Variants in RRP1 observed in about 807,000 individuals in gnomAD.
RRP1 encodes the protein ribosomal RNA processing 1, also known as ribosomal RNA processing protein 1 homolog A.
RRP1 carries 37 observed loss-of-function variants against 54.6 expected under a neutral mutation model. The observed-to-expected ratio is 0.68, with a 90% CI of 0.52 to 0.89. The LOEUF (loss-of-function observed/expected upper bound fraction) is 0.89. Among genes scored for constraint, RRP1 ranks in the 40% least tolerant of loss-of-function variants. The pLI is 0.00. For synonymous variants in RRP1, 262 were observed against 244.3 expected (o/e 1.07, Z -0.67); for missense variants, 639 against 612.5 (o/e 1.04, Z -0.46).
chr21:43,800,402 G>A (rs1044558471), intron 9 of RRP1, 115 bp from the exon 10 acceptor site: 8 of 872,838 alleles, frequency 9.2e-6, no homozygotes, highest in South Asian at 7.5e-5. Context: ...CCTGTGAGCC[G>A]GGTGGAGAAC....
intron 10 of RRP1, 112 bp from the exon 11 acceptor site, chr21:43,800,749 TC>T: frequency 1.4e-6 from 2 of 1,469,878 alleles, no homozygotes. Context: ...CCTGAGACCG[TC>T]CCCAGCCCCT....
chr21:43,803,364 A>C, intron 12 of RRP1, 148 bp from the exon 13 acceptor site: 1 of 1,133,878 alleles, frequency 8.8e-7, no homozygotes, highest in Non-Finnish European at 1.2e-6. Context: ...CTTGGCGCCC[A>C]CACTGGACAC....
chr21:43,800,848 T>A lies in RRP1; in HGVS notation c.990-14T>A, dbSNP rs1425816804. 6.2e-7 allele frequency: 1 copy of A among 1,613,560 alleles called. No individual in the cohort carries two copies. Among genetic ancestry groups the A allele is most frequent in the South Asian group, 1.1e-5 (1 of 91,078 alleles). ...CGCAGCTGTGGTAAGTGGGTATCTGTCTTACTCTTTCAGGCTGCAGGACCT... is the reference window on the plus strand; with the variant it reads ...CGCAGCTGTGGTAAGTGGGTATCTGACTTACTCTTTCAGGCTGCAGGACCT... On this transcript the variant is annotated splice_polypyrimidine_tract_variant and intron_variant, in intron 10 of 12. Transcript: ENST00000497547.
chr21:43,800,760 T>C (rs1316008117), intron 10 of RRP1, 102 bp from the exon 11 acceptor site: 1 of 1,554,744 alleles, frequency 6.4e-7, no homozygotes. Flanking sequence ...CCCCAGCCCC[T>C]GGGGTTCCCC....
chr21:43,789,804 G>T (rs1422705185), intron 1 of RRP1, 42 bp downstream of exon 1: 2 of 1,471,962 alleles, frequency 1.4e-6, no homozygotes. Flanking sequence ...GGGGCCGGCT[G>T]GGCTGGTGCG....
intron 12 of RRP1, 135 bp downstream of exon 12, chr21:43,802,522 C>G (rs1394794651): frequency 2.9e-6 from 2 of 695,930 alleles, no homozygotes; most frequent in South Asian, 1.6e-5. Context: ...CTGCTATCCA[C>G]GCATCCCGGA....
chr21:43,789,904 T>G, intron 1 of RRP1, 142 bp downstream of exon 1: 1 of 1,030,176 alleles, frequency 9.7e-7, no homozygotes, highest in Non-Finnish European at 1.3e-6. Context: ...TCCACTGGCC[T>G]GTTCCCGCTG....
At chr21:43,803,225 C>A (rs565365689) in intron 12 of RRP1, among the ~76,000 whole-genome samples, 1 of 152,364 alleles carries the variant, frequency 6.6e-6, no homozygotes, top group South Asian at 2.1e-4. Flanking sequence ...GTTCTTCCAC[C>A]TCCCCTTCTG....
intron 3 of RRP1, 133 bp from the exon 4 acceptor site, chr21:43,793,186 G>A (rs1247800925): frequency 1.3e-6 from 1 of 757,088 alleles, no homozygotes; most frequent in African/African-American, 1.8e-5. Flanking sequence ...ATCCAGTTCT[G>A]GGGGTAGGGC....
At chr21:43,792,571 ATGAG>A (rs548061094) in intron 2 of RRP1, 97 bp from the exon 3 acceptor site, 261 of 1,144,726 alleles carry the variant, frequency 2.3e-4, no homozygotes, top group African/African-American at 1.4e-3. Flanking sequence ...ACTCTCTGTG[ATGAG>A]TGAGTGAGTG....
chr21:43,798,685 A>T (rs2085050330), intron 8 of RRP1, among the ~76,000 whole-genome samples: 1 of 151,850 alleles, frequency 6.6e-6, no homozygotes, highest in Non-Finnish European at 1.5e-5. Flanking sequence ...CCTGCCCCTC[A>T]CTGCCTGCCA....
At chr21:43,800,958 AG>A in intron 11 of RRP1, 77 bp downstream of exon 11, 2 of 1,510,862 alleles carry the variant, frequency 1.3e-6, no homozygotes, top group South Asian at 1.1e-5. Flanking sequence ...GTTTGGTTCT[AG>A]GGGTCTCATA....
intron 4 of RRP1, among the ~76,000 whole-genome samples, chr21:43,794,230 A>G (rs553351095): frequency 9.8e-5 from 15 of 152,298 alleles, no homozygotes; most frequent in African/African-American, 3.6e-4. Context: ...TCAAGAAGGA[A>G]GGAGGCTCCA....
chr21:43,800,469 G>A (rs988224400), intron 9 of RRP1, 48 bp from the exon 10 acceptor site: 18 of 1,575,444 alleles, frequency 1.1e-5, no homozygotes, highest in East Asian at 2.2e-5. Context: ...CTCGGAGCAC[G>A]CAGAGCGTGG....
chr21:43,794,890 T>C (rs1347520903), intron 4 of RRP1, among the ~76,000 whole-genome samples: 1 of 152,220 alleles, frequency 6.6e-6, no homozygotes, highest in Non-Finnish European at 1.5e-5. Context: ...CCCCGGTTTA[T>C]GGACTGGAGT....
intron 3 of RRP1, 99 bp from the exon 4 acceptor site, chr21:43,793,220 A>G (rs2084979004): frequency 1.0e-6 from 1 of 998,126 alleles, no homozygotes; most frequent in South Asian, 1.4e-5. Context: ...TTTTTTATCT[A>G]TAGCTATGTA....
Position 43,800,319 on chromosome 21 carries a change from G to A in RRP1, c.892-198G>A, listed in dbSNP as rs139879184. Among the ~76,000 whole-genome samples, 590 of 152,296 alleles carry A rather than the reference G, an allele frequency of 3.9e-3. 4 individuals carry two copies. The highest frequency in any genetic ancestry group is 0.013 in the African/African-American group (531 of 41,568). On this transcript the variant is annotated intron_variant, in intron 9 of 12. Transcript: ENST00000497547. ...GCAGTGCGTGCCCCGCAGTGCGCCC[G>A]CAGCTTGTGTGGTGCCCGCTGTGCT...
At chr21:43,798,151 G>A in intron 8 of RRP1, 51 bp downstream of exon 8, 1 of 1,496,456 alleles carries the variant, frequency 6.7e-7, no homozygotes, top group South Asian at 1.3e-5. Flanking sequence ...CCTGGGCTGA[G>A]CCAGTGCGAT....
intron 2 of RRP1, among the ~76,000 whole-genome samples, chr21:43,791,935 G>A (rs1207185400): frequency 6.6e-6 from 1 of 152,206 alleles, no homozygotes; most frequent in Non-Finnish European, 1.5e-5. Context: ...TGATGTGATT[G>A]ACTGAGCCGT....
Sources: allele counts gnomAD v4.1 joint callset (sites outside exome capture counted in the v4.1 genomes callset), GRCh38; gene constraint gnomAD v4.1.1; transcripts MANE v1.5; gene names NCBI Gene and HGNC (gene_info 2026-07-23, HGNC 2026-07-21).